FAM131B: variants seen among roughly 807,000 people sequenced by gnomAD.
FAM131B encodes the protein family with sequence similarity 131 member B, also known as protein FAM131B.
A neutral mutation model predicts 42.0 loss-of-function variants in FAM131B; 19 were observed. The observed-to-expected ratio is 0.45, with a 90% CI of 0.32 to 0.66. The LOEUF (loss-of-function observed/expected upper bound fraction) is 0.66, where lower values mean the gene tolerates loss of function less well. Among genes scored for constraint, FAM131B ranks in the 30% least tolerant of loss-of-function variants. The pLI, the probability that FAM131B is intolerant of heterozygous loss-of-function variation, is 0.05. For missense variants in FAM131B, 370 were observed against 468.4 expected (o/e 0.79, Z 1.94); for synonymous variants, 183 against 177.6 (o/e 1.03, Z -0.24).
the FAM131B span, chr7:143,381,747 G>A: frequency 8.2e-6 from 13 of 1,588,150 alleles, no homozygotes; most frequent in African/African-American, 1.4e-5. Context: ...CAGATGGGCC[G>A]GGTGGGCGAG....
chr7:143,365,218 T>C (rs77849053), upstream of FAM131B, among the ~76,000 whole-genome samples: 2,389 of 152,280 alleles, frequency 0.016, 93 homozygotes, highest in East Asian at 0.16. Context: ...GGGAGGGGGA[T>C]GAGACTGTAC....
chr7:143,363,557 G>A (rs1804095452), upstream of FAM131B, among the ~76,000 whole-genome samples: 1 of 152,212 alleles, frequency 6.6e-6, no homozygotes, highest in South Asian at 2.1e-4. Flanking sequence ...GTGGGACTGG[G>A]CCAGGTAGAT....
chr7:143,362,094 C>T lies in FAM131B; in HGVS notation c.28+482G>A. The stretch of plus-strand genomic sequence containing the variant: ...GGAGAGAGAGATGGGGCAAAGCACC[C>T]GAGCCAGATGGAGGCGGCGGCGGGG... On this transcript the variant is annotated intron_variant, in intron 1 of 6. Transcript: ENST00000443739. This position sits in a 1 kb window ranked among gnomAD's most constrained non-coding sequence, Gnocchi z 7.7. 1.0e-6 allele frequency: 1 copy of T among 979,584 alleles called. No homozygotes were observed. The highest frequency in any genetic ancestry group is 1.2e-6 in the Non-Finnish European group (1 of 824,316). 60.7% of individuals were successfully genotyped at this position (979,584 alleles called of 1,614,324 possible).
At chr7:143,380,387 G>T in the FAM131B span, 1 of 985,206 alleles carries the variant, frequency 1.0e-6, no homozygotes, top group African/African-American at 1.7e-5. This position sits in a 1 kb window ranked among gnomAD's most constrained non-coding sequence, Gnocchi z 5.0. Context: ...CGTCGCCCGG[G>T]GTCTCCACCA....
At chr7:143,372,560 C>T in the FAM131B span, among the ~76,000 whole-genome samples, 1 of 152,214 alleles carries the variant, frequency 6.6e-6, no homozygotes. Context: ...AATGTGTAAC[C>T]TTTGAGCACC....
In FAM131B at chr7:143,359,992, A is replaced by G; in HGVS notation, c.138+48T>C. The G allele has an allele frequency of 2.9e-6, 4 of 1,388,956 alleles. No individual in the cohort carries two copies. The highest frequency in any genetic ancestry group is 4.1e-6 in the Non-Finnish European group (4 of 979,752). 86.0% of individuals were successfully genotyped at this position (1,388,956 alleles called of 1,614,324 possible). ...TGTTTGGGTTGTTGCCTTGGAATTG[A>G]GGAAGTGCAGGCAGCCAGAGACTTG... is the stretch of plus-strand genomic sequence containing the variant. On this transcript the variant is annotated intron_variant, in intron 2 of 6. Coordinates refer to ENST00000443739, the MANE Select transcript of FAM131B (RefSeq NM_001031690.3). The surrounding 1 kb of genome is among the most constrained non-coding windows in gnomAD (Gnocchi z 5.4).
the FAM131B span, among the ~76,000 whole-genome samples, chr7:143,370,054 C>T: frequency 3.3e-5 from 5 of 152,202 alleles, no homozygotes; most frequent in African/African-American, 1.2e-4. Context: ...AATTTCCTTT[C>T]CAACCTCTTT....
At chr7:143,378,876 C>CATTG in the FAM131B span, among the ~76,000 whole-genome samples, 1 of 152,196 alleles carries the variant, frequency 6.6e-6, no homozygotes, top group Non-Finnish European at 1.5e-5. Flanking sequence ...GCGCCCAGCC[C>CATTG]ATTGTCTTCA....
At chr7:143,379,132 C>T in the FAM131B span, among the ~76,000 whole-genome samples, 64,878 of 152,202 alleles carry the variant, frequency 0.43, 14,939 homozygotes, top group African/African-American at 0.6. Context: ...TTTGCACGCG[C>T]ACATTACTTA....
intron 5 of FAM131B, 134 bp from the exon 6 acceptor site, chr7:143,357,557 C>T (rs969628460): frequency 9.2e-6 from 5 of 546,214 alleles, no homozygotes; most frequent in Middle Eastern, 5.1e-4. Context: ...TTTAAATTTT[C>T]CAGTAGCCAC....
At chr7:143,381,470 G>A in the FAM131B span, 3 of 1,346,012 alleles carry the variant, frequency 2.2e-6, no homozygotes, top group Non-Finnish European at 2.9e-6. Flanking sequence ...GCCGGGAGGG[G>A]GCGAGTGGGG....
chr7:143,378,834 C>T, the FAM131B span, among the ~76,000 whole-genome samples: 1 of 152,126 alleles, frequency 6.6e-6, no homozygotes, highest in Non-Finnish European at 1.5e-5. Context: ...GCCTTGGCCT[C>T]CAAAGTGCTG....
upstream of FAM131B, among the ~76,000 whole-genome samples, chr7:143,367,159 T>A (rs1414881135): frequency 2.0e-5 from 3 of 152,150 alleles, no homozygotes; most frequent in Non-Finnish European, 4.4e-5. Flanking sequence ...GCCATTGTGC[T>A]GGGGCACAGC....
Position 143,354,563 on chromosome 7 carries a change from G to A in FAM131B, c.*1987C>T, listed in dbSNP as rs1484036875. On this transcript the variant is annotated 3_prime_UTR_variant, in exon 7 of 7. Coordinates refer to ENST00000443739, the MANE Select transcript of FAM131B (RefSeq NM_001031690.3). ...CCAGAGCCTGCAGCAGGAGACGGGT[G>A]GGGAATAGCTGCCAGGGCGGGCATG... 1 of 152,222 alleles carries A rather than the reference G, an allele frequency of 6.6e-6. No homozygotes were observed. The highest frequency in any genetic ancestry group is 2.4e-5 in the African/African-American group (1 of 41,422). 9.4% of individuals were successfully genotyped at this position (152,222 alleles called of 1,614,324 possible). A position where few individuals can be genotyped will look rare whatever the true frequency, so the allele number is the denominator to read the frequency against.
the FAM131B span, chr7:143,380,049 G>A: frequency 1.0e-6 from 1 of 984,726 alleles, no homozygotes; most frequent in South Asian, 4.7e-5. This position sits in a 1 kb window ranked among gnomAD's most constrained non-coding sequence, Gnocchi z 5.0. Flanking sequence ...GAGTGTAGCC[G>A]GATTTGGAGG....
rs1001544648 is a variant in FAM131B, at chr7:143,362,427, C to G, written c.28+149G>C. 4 of 349,440 alleles carry G rather than the reference C, an allele frequency of 1.1e-5. No homozygotes were observed. The highest frequency in any genetic ancestry group is 2.0e-5 in the Non-Finnish European group (4 of 195,394). 21.6% of individuals were successfully genotyped at this position (349,440 alleles called of 1,614,324 possible). On this transcript the variant is annotated intron_variant, in intron 1 of 6. Coordinates refer to ENST00000443739, the MANE Select transcript of FAM131B (RefSeq NM_001031690.3). The surrounding 1 kb of genome is among the most constrained non-coding windows in gnomAD (Gnocchi z 7.7). ...GGGCAGGAAGGAGGGACAGAGGGAC[C>G]GCGGGCGGACGGAAGGAAAGTGAAG... is the stretch of plus-strand genomic sequence containing the variant.
chr7:143,378,999 CTTTG>C, the FAM131B span, among the ~76,000 whole-genome samples: 5 of 152,216 alleles, frequency 3.3e-5, no homozygotes, highest in South Asian at 2.1e-4. Flanking sequence ...GCTTAAAAGT[CTTTG>C]TTTGAATATT....
At position 143,359,195 on chromosome 7, in the gene FAM131B, T is replaced by A; in HGVS notation, c.268+131A>T. On this transcript the variant is annotated intron_variant, in intron 4 of 6. Transcript: ENST00000443739. This position sits in a 1 kb window ranked among gnomAD's most constrained non-coding sequence, Gnocchi z 5.4. ...GGGAATGGCCTGGAGGATGGGAGGC[T>A]TGACAGAAGGGTGAATAGGTCAGGG... 1 of 1,023,374 alleles carries A rather than the reference T, an allele frequency of 9.8e-7. No homozygotes were observed. 63.4% of individuals were successfully genotyped at this position (1,023,374 alleles called of 1,614,324 possible).
rs1479778431 is a variant in FAM131B at position 143,362,648 on chromosome 7, G to A, written c.-45C>T. ...CCGGGCCCTCACCGACTCGGGGCGCGCGCCGGGGGGAGCACCGGGAGCCGC... is the reference window on the plus strand; with the variant it reads ...CCGGGCCCTCACCGACTCGGGGCGCACGCCGGGGGGAGCACCGGGAGCCGC... On this transcript the variant is annotated 5_prime_UTR_variant, in exon 1 of 7. Transcript: ENST00000443739. The surrounding 1 kb of genome is among the most constrained non-coding windows in gnomAD (Gnocchi z 7.7). The A allele has an allele frequency of 8.6e-6, 10 of 1,161,914 alleles. No homozygotes were observed. In the East Asian group the frequency reaches 2.8e-4, roughly 33 times the overall value. 72.0% of individuals were successfully genotyped at this position (1,161,914 alleles called of 1,614,324 possible). A position where few individuals can be genotyped will look rare whatever the true frequency, so the allele number is the denominator to read the frequency against.
Sources: gnomAD v4.1 joint callset for allele counts (sites outside exome capture counted in the v4.1 genomes callset) on GRCh38, gnomAD v4.1.1 for gene constraint, Gnocchi (gnomAD v3.1) non-coding constraint, MANE v1.5 for transcripts, NCBI Gene and HGNC (gene_info 2026-07-23, HGNC 2026-07-21) for gene names.